WDFY3: variants seen among roughly 807,000 people sequenced by gnomAD.
WDFY3 encodes the protein WD repeat and FYVE domain-containing protein 3.
WDFY3 carries 66 observed loss-of-function variants against 409.6 expected under a neutral mutation model. That is an observed-to-expected ratio of 0.16 (90% confidence interval 0.13 to 0.20). The LOEUF is 0.20. Among genes scored for constraint, WDFY3 ranks in the 10% least tolerant of loss-of-function variants. The pLI is 1.00. For synonymous variants in WDFY3, 1,521 were observed against 1,537.1 expected (o/e 0.99, Z 0.25); for missense variants, 3,031 against 4,298.1 (o/e 0.71, Z 8.24).
intron 3 of WDFY3, among the ~76,000 whole-genome samples, chr4:84,888,719 T>C (rs1241230463): frequency 2.6e-5 from 4 of 152,192 alleles, no homozygotes; most frequent in Non-Finnish European, 5.9e-5. Context: ...TGAGAGCCGA[T>C]GGCTAAATTT....
At chr4:84,908,854 T>A (rs891302135) in intron 2 of WDFY3, among the ~76,000 whole-genome samples, 3 of 152,122 alleles carry the variant, frequency 2.0e-5, no homozygotes, top group African/African-American at 7.2e-5. Flanking sequence ...ATTATCAACA[T>A]AAGAACTCTT....
In WDFY3 at chr4:84,717,029, A is replaced by C. The variant is rs1717693111; in HGVS notation, c.7755-13T>G. 6.4e-7 allele frequency: 1 copy of C among 1,554,928 alleles called. No individual in the cohort carries two copies. ...AGGCTCATGCATACTACAGGCAGCCAAGAGAAAAAGCAAATAAAAACACAG... is the reference window on the plus strand; with the variant it reads ...AGGCTCATGCATACTACAGGCAGCCCAGAGAAAAAGCAAATAAAAACACAG... On this transcript the variant is annotated splice_polypyrimidine_tract_variant and intron_variant, in intron 48 of 67. Coordinates refer to ENST00000295888, the MANE Select transcript of WDFY3 (RefSeq NM_014991.6).
At chr4:84,935,600 C>A (rs1771310672) in intron 1 of WDFY3, among the ~76,000 whole-genome samples, 1 of 151,960 alleles carries the variant, frequency 6.6e-6, no homozygotes, top group South Asian at 2.1e-4. Flanking sequence ...TATTTGGATG[C>A]CCATTACTTG....
intron 61 of WDFY3, 63 bp from the exon 62 acceptor site, chr4:84,688,328 C>T (rs915296660): frequency 6.5e-7 from 1 of 1,527,198 alleles, no homozygotes; most frequent in Non-Finnish European, 8.9e-7. Context: ...CACAGTGACT[C>T]CAGAAGCTCC....
At chr4:84,961,146 T>C (rs925799855) in intron 1 of WDFY3, among the ~76,000 whole-genome samples, 2 of 146,364 alleles carry the variant, frequency 1.4e-5, no homozygotes, top group African/African-American at 5.1e-5. Context: ...ACCCGAGAGG[T>C]GGAGGCTGCA....
intron 18 of WDFY3, among the ~76,000 whole-genome samples, chr4:84,797,497 C>T (rs981599042): frequency 3.9e-5 from 6 of 152,018 alleles, no homozygotes; most frequent in African/African-American, 1.4e-4. Context: ...TTCAAATATT[C>T]TCTTAGGGAA....
chr4:84,818,827 G>T (rs796624034), intron 12 of WDFY3, among the ~76,000 whole-genome samples: 2 of 152,100 alleles, frequency 1.3e-5, no homozygotes, highest in South Asian at 4.1e-4. Context: ...GTATGAAATT[G>T]TTTGGCACTT....
chr4:84,950,246 C>T (rs1381855325), intron 1 of WDFY3, among the ~76,000 whole-genome samples: 2 of 124,490 alleles, frequency 1.6e-5, no homozygotes, highest in East Asian at 2.5e-4. Flanking sequence ...TGGGAGCTAT[C>T]GGGGGTTGGG....
intron 53 of WDFY3, 83 bp from the exon 54 acceptor site, chr4:84,705,594 G>T: frequency 8.9e-7 from 1 of 1,121,170 alleles, no homozygotes; most frequent in Non-Finnish European, 1.3e-6. Flanking sequence ...TGTTGTGGAT[G>T]ATGATGATTT....
chr4:84,845,179 A>T (rs1757918471), intron 5 of WDFY3, among the ~76,000 whole-genome samples: 1 of 152,186 alleles, frequency 6.6e-6, no homozygotes, highest in Admixed American at 6.5e-5. Context: ...TTCCATAGCA[A>T]ATTCAGAGGG....
At chr4:84,914,408 C>T (rs376824344) in intron 2 of WDFY3, among the ~76,000 whole-genome samples, 10 of 151,912 alleles carry the variant, frequency 6.6e-5, no homozygotes, top group African/African-American at 2.2e-4. Flanking sequence ...TGTGAGACTC[C>T]GTCTCAAAAA....
chr4:84,843,457 C>T (rs1320862374), intron 5 of WDFY3, among the ~76,000 whole-genome samples: 2 of 152,032 alleles, frequency 1.3e-5, no homozygotes, highest in Admixed American at 6.6e-5. Flanking sequence ...CTGGAGTGCA[C>T]GATCACGGCT....
intron 3 of WDFY3, among the ~76,000 whole-genome samples, chr4:84,868,362 A>C (rs896813375): frequency 6.6e-6 from 1 of 152,120 alleles, no homozygotes; most frequent in African/African-American, 2.4e-5. Flanking sequence ...TATATAAACC[A>C]GCAATCTAAT....
rs184971536 is a variant in WDFY3, at chr4:84,724,376, C to G, written c.7441+50G>C. The G allele has an allele frequency of 2.6e-6, 4 of 1,550,910 alleles. No individual in the cohort carries two copies. The Admixed American group carries it at 8.0e-5, about 31-fold the overall frequency. On this transcript the variant is annotated intron_variant, in intron 46 of 67. Transcript: ENST00000295888. ...TCAAATTTTTGTATGAATTCAAATA[C>G]AAGAATGTTCCAAAATCACTTTTAA... is the stretch of plus-strand genomic sequence containing the variant.
intron 64 of WDFY3, among the ~76,000 whole-genome samples, chr4:84,682,067 C>CTCTAGGT (rs2148780259): frequency 6.6e-6 from 1 of 152,216 alleles, no homozygotes; most frequent in African/African-American, 2.4e-5. Flanking sequence ...AACAGCACGC[C>CTCTAGGT]CTCTAGGTCT....
At chr4:84,748,561 T>C (rs1445884536) in intron 36 of WDFY3, among the ~76,000 whole-genome samples, 2 of 152,138 alleles carry the variant, frequency 1.3e-5, no homozygotes, top group Non-Finnish European at 2.9e-5. Flanking sequence ...AGGGCCAGAA[T>C]TTAAACCCAG....
chr4:84,703,642 C>T (rs931518949), intron 55 of WDFY3, among the ~76,000 whole-genome samples: 2 of 152,190 alleles, frequency 1.3e-5, no homozygotes, highest in Non-Finnish European at 2.9e-5. Flanking sequence ...CTGCCTGGAA[C>T]ACGTATCTCC....
intron 2 of WDFY3, among the ~76,000 whole-genome samples, chr4:84,909,957 CTG>C (rs1277987626): frequency 1.3e-5 from 2 of 152,206 alleles, no homozygotes; most frequent in African/African-American, 4.8e-5. Context: ...TTTTGGAATA[CTG>C]TCAACGAAAT....
At chr4:84,858,685 C>T (rs375109607) in intron 4 of WDFY3, among the ~76,000 whole-genome samples, 3 of 148,248 alleles carry the variant, frequency 2.0e-5, no homozygotes, top group East Asian at 4.0e-4. Context: ...GAGGAAGAGC[C>T]TAGAAAATTT....
Sources: allele counts gnomAD v4.1 joint callset (sites outside exome capture counted in the v4.1 genomes callset), GRCh38; gene constraint gnomAD v4.1.1; transcripts MANE v1.5; gene names NCBI Gene and HGNC (gene_info 2026-07-23, HGNC 2026-07-21).